Variants in DCAF10 observed in about 807,000 individuals in gnomAD.
The protein encoded by DCAF10 is DDB1- and CUL4-associated factor 10.
In DCAF10, 19 loss-of-function variants were observed where a neutral mutation model predicts 51.9. The observed-to-expected ratio is 0.37, with a 90% CI of 0.26 to 0.54. The LOEUF (loss-of-function observed/expected upper bound fraction) is 0.54, where lower values mean the gene tolerates loss of function less well. Among genes scored for constraint, DCAF10 ranks in the 20% least tolerant of loss-of-function variants. The pLI, the probability that DCAF10 is intolerant of heterozygous loss-of-function variation, is 0.87. For missense variants in DCAF10, 510 were observed against 730.6 expected, an observed-to-expected ratio of 0.70 and a Z score of 3.48; for synonymous variants, 291 against 297.1, an observed-to-expected ratio of 0.98 and a Z score of 0.21.
chr9:37,857,388 C>A, intron 5 of DCAF10, 37 bp downstream of exon 5: 1 of 1,398,338 alleles, frequency 7.2e-7, no homozygotes, highest in East Asian at 2.3e-5. Flanking sequence ...CTTGTAACAA[C>A]AGATTATGCC....
upstream of DCAF10, chr9:37,800,588 C>A: frequency 6.5e-7 from 1 of 1,536,136 alleles, no homozygotes; most frequent in Non-Finnish European, 8.7e-7. Context: ...CGGTCACTGA[C>A]AACTACAGAC....
chr9:37,832,250 G>A (rs1239909043), intron 2 of DCAF10: 3 of 151,558 alleles, frequency 2.0e-5, no homozygotes, highest in African/African-American at 7.3e-5. Flanking sequence ...CTGAGGTCAG[G>A]AGTTCAAGAC....
intron 2 of DCAF10, chr9:37,836,512 A>G: frequency 1.2e-6 from 1 of 857,106 alleles, no homozygotes; most frequent in Non-Finnish European, 2.0e-6. Flanking sequence ...TAACTGCTCT[A>G]TTGAGTTCTC....
rs1258321566 is a variant in DCAF10 at position 37,829,215 on chromosome 9, G to A, written c.653+9814G>A. 6.6e-6 allele frequency among the ~76,000 whole-genome samples: 1 copy of A among 152,168 alleles called. No homozygotes were observed. The highest frequency in any genetic ancestry group is 2.4e-5 in the African/African-American group (1 of 41,440). On this transcript the variant is annotated intron_variant, in intron 2 of 6. Transcript: ENST00000377724. The surrounding 1 kb of genome is among the most constrained non-coding windows in gnomAD (Gnocchi z 4.2). ...GCCTGTAATTCCCGCACTTTTGGGT[G>A]GATCACCTGAGGTAGGGAGTTCGAG...
chr9:37,816,831 A>C (rs1589082940), intron 1 of DCAF10, among the ~76,000 whole-genome samples: 2 of 152,230 alleles, frequency 1.3e-5, no homozygotes, highest in East Asian at 3.8e-4. Flanking sequence ...TGTATCATAT[A>C]AATTCTACCT....
chr9:37,838,823 A>G (rs982788883), intron 2 of DCAF10, among the ~76,000 whole-genome samples: 3 of 151,816 alleles, frequency 2.0e-5, no homozygotes, highest in Non-Finnish European at 4.4e-5. Context: ...TGTAGGAGGT[A>G]GAGGTTGCAG....
intron 1 of DCAF10, among the ~76,000 whole-genome samples, chr9:37,818,827 C>G (rs1019236525): frequency 2.0e-5 from 3 of 152,048 alleles, no homozygotes; most frequent in African/African-American, 7.2e-5. Flanking sequence ...AAAGCTACCC[C>G]TTTTTAACTT....
chr9:37,810,673 G>C (rs989880610), intron 1 of DCAF10, among the ~76,000 whole-genome samples: 1 of 152,066 alleles, frequency 6.6e-6, no homozygotes, highest in East Asian at 1.9e-4. Context: ...TGTTGGTCAG[G>C]CTGGTCTCGA....
intron 1 of DCAF10, among the ~76,000 whole-genome samples, chr9:37,814,127 T>TG (rs1554685262): frequency 0.018 from 1,838 of 100,582 alleles, 112 homozygotes; most frequent in African/African-American, 0.07. Context: ...TATATATATA[T>TG]TTGTTGTTGT....
chr9:37,820,748 C>A (rs1018926260), intron 2 of DCAF10, among the ~76,000 whole-genome samples: 1 of 152,018 alleles, frequency 6.6e-6, no homozygotes, highest in Non-Finnish European at 1.5e-5. Flanking sequence ...AAATTAAAAA[C>A]CTTTTCTATT....
In DCAF10 at chr9:37,861,346, A is replaced by C. The variant is rs151036318; in HGVS notation, c.1518A>C (p.Glu506Asp). 5.6e-6 allele frequency: 9 copies of C among 1,614,092 alleles called. No individual in the cohort carries two copies. The African/African-American group carries it at 1.1e-4, about 19-fold the overall frequency. ...TGGGATTTGACAAACAGTGCAGTGA[A>C]CTTGTTGACTGCTTGCCCAAAGAAG... ...RLLGFDKQCS[E>D]LVDCLPKEAS... Residue 506 changes from glutamate to aspartate, a missense_variant, in exon 7 of 7, where the codon GAA becomes GAC. This residue lies in a region of DCAF10 where 104 missense variants were observed against 206.2 expected (regional missense o/e 0.50). Coordinates refer to ENST00000377724, the MANE Select transcript of DCAF10 (RefSeq NM_024345.5). The surrounding 1 kb of genome is among the most constrained non-coding windows in gnomAD (Gnocchi z 4.9).
chr9:37,833,192 G>A (rs1032485916), intron 2 of DCAF10, among the ~76,000 whole-genome samples: 38 of 152,302 alleles, frequency 2.5e-4, no homozygotes, highest in African/African-American at 8.9e-4. Context: ...TATGAAGTAA[G>A]GATGTCATAT....
chr9:37,808,679 A>T (rs60231536), intron 1 of DCAF10, among the ~76,000 whole-genome samples: 2 of 15,964 alleles, frequency 1.3e-4, no homozygotes, highest in Non-Finnish European at 3.5e-4. Context: ...ATATAATATA[A>T]AATATAAATA....
At chr9:37,828,109 C>T (rs781484494) in intron 2 of DCAF10, among the ~76,000 whole-genome samples, 1 of 151,994 alleles carries the variant, frequency 6.6e-6, no homozygotes, top group African/African-American at 2.4e-5. Flanking sequence ...GCTGGTCTGA[C>T]GCTGCTGACC....
At chr9:37,825,312 G>C (rs965177998) in intron 2 of DCAF10, among the ~76,000 whole-genome samples, 3 of 152,120 alleles carry the variant, frequency 2.0e-5, no homozygotes, top group African/African-American at 7.2e-5. Flanking sequence ...GCAAAAACAT[G>C]GAATCAACCT....
intron 2 of DCAF10, among the ~76,000 whole-genome samples, chr9:37,837,762 T>TC (rs1451722079): frequency 6.6e-6 from 1 of 151,660 alleles, no homozygotes; most frequent in Non-Finnish European, 1.5e-5. Context: ...TCTCAGTTTT[T>TC]CCCCCCTTAA....
intron 2 of DCAF10, among the ~76,000 whole-genome samples, chr9:37,832,403 A>G (rs960892163): frequency 6.6e-6 from 1 of 152,020 alleles, no homozygotes; most frequent in Non-Finnish European, 1.5e-5. Context: ...GGTTGCAGTG[A>G]GCCGAGATCA....
Position 37,801,375 on chromosome 9 carries a change from C to T in DCAF10, c.509C>T (p.Ala170Val). The change falls in exon 1 of 7, where the codon GCC becomes GTC. Residue 170 changes from alanine (A) to valine (V), a missense_variant. By Grantham distance (64) the Ala-to-Val change is moderately conservative. Transcript: ENST00000377724. This position sits in a 1 kb window ranked among gnomAD's most constrained non-coding sequence, Gnocchi z 5.5. ...TACCTCAGCACCCGCACCCACGGCG[C>T]CGTCTTCAACCTCGAGTACTCGCCC... ...SVYLSTRTHGAVFNLEYSPDG... is the reference protein window; with the variant it reads ...SVYLSTRTHGVVFNLEYSPDG... 1 of 1,540,568 alleles carries T rather than the reference C, an allele frequency of 6.5e-7. No homozygotes were observed. The highest frequency in any genetic ancestry group is 8.7e-7 in the Non-Finnish European group (1 of 1,144,798).
chr9:37,824,353 C>T (rs1432297849), intron 2 of DCAF10, among the ~76,000 whole-genome samples: 1 of 151,986 alleles, frequency 6.6e-6, no homozygotes, highest in Admixed American at 6.6e-5. Flanking sequence ...AGGCCCTCTT[C>T]ATGTTCAAGA....
Sources: allele counts gnomAD v4.1 joint callset (sites outside exome capture counted in the v4.1 genomes callset), GRCh38; gene constraint gnomAD v4.1.1; regional missense constraint gnomAD v4.1.1; non-coding constraint Gnocchi (gnomAD v3.1); transcripts MANE v1.5; gene names NCBI Gene and HGNC (gene_info 2026-07-23, HGNC 2026-07-21).